Variants in NREP observed in about 807,000 individuals in gnomAD.
NREP encodes the protein neuronal regeneration-related protein.
Under a neutral mutation model 8.6 loss-of-function variants are expected in NREP, and 5 were observed. The ratio of observed to expected loss-of-function variants is 0.58; its 90% CI spans 0.30 to 1.22. The LOEUF is 1.22. Ranked by LOEUF, NREP falls within the 50% of genes most tolerant of loss-of-function variation. The pLI, the probability that NREP is intolerant of heterozygous loss-of-function variation, is 0.07. For synonymous variants in NREP, 27 were observed against 28.0 expected (o/e 0.96, Z 0.11); for missense variants, 86 against 82.5 (o/e 1.04, Z -0.17).
upstream of NREP, chr5:111,757,237 G>A (rs1397700611): frequency 1.3e-5 from 7 of 523,572 alleles, no homozygotes; most frequent in South Asian, 8.7e-5. Flanking sequence ...ATTGGGGGGG[G>A]AGGGGGGATT....
intron 2 of NREP, among the ~76,000 whole-genome samples, chr5:111,812,212 G>A (rs1752286131): frequency 1.3e-5 from 2 of 152,108 alleles, no homozygotes; most frequent in Admixed American, 1.3e-4. Flanking sequence ...GCTTGAGCCT[G>A]GGAGGTGGAG....
chr5:111,862,719 A>T (rs1009050794), intron 2 of NREP, among the ~76,000 whole-genome samples: 8 of 152,084 alleles, frequency 5.3e-5, no homozygotes, highest in Admixed American at 1.3e-4. Context: ...AACATGACAG[A>T]CAGGACTTAA....
chr5:111,944,878 T>C (rs1459019223), intron 2 of NREP, among the ~76,000 whole-genome samples: 4 of 152,238 alleles, frequency 2.6e-5, no homozygotes, highest in East Asian at 3.9e-4. Context: ...CATTTCTCTA[T>C]TGATAATAAA....
chr5:111,913,310 C>T (rs887516151), intron 2 of NREP, among the ~76,000 whole-genome samples: 4 of 151,988 alleles, frequency 2.6e-5, no homozygotes, highest in Non-Finnish European at 5.9e-5. Context: ...ATAAAATATC[C>T]TTCTAAAATT....
chr5:111,931,864 T>A (rs748556672), intron 2 of NREP, among the ~76,000 whole-genome samples: 3 of 152,166 alleles, frequency 2.0e-5, no homozygotes, highest in South Asian at 4.1e-4. Context: ...ATCTTTCTCA[T>A]TAGGCCTTCC....
chr5:111,905,177 T>C (rs2112554515), intron 2 of NREP, among the ~76,000 whole-genome samples: 1 of 152,220 alleles, frequency 6.6e-6, no homozygotes, highest in African/African-American at 2.4e-5. Context: ...AATTTTCCGT[T>C]GACCTCTACA....
intron 2 of NREP, among the ~76,000 whole-genome samples, chr5:111,768,118 T>C (rs1751129439): frequency 6.6e-6 from 1 of 150,568 alleles, no homozygotes; most frequent in Admixed American, 6.7e-5. Flanking sequence ...TCAGGTTTTG[T>C]AAGATGGCAT....
At chr5:111,923,223 C>T (rs895789755) in intron 2 of NREP, among the ~76,000 whole-genome samples, 4 of 152,204 alleles carry the variant, frequency 2.6e-5, no homozygotes, top group Non-Finnish European at 2.9e-5. Context: ...GCTAATTGGG[C>T]GCTTGTGCCT....
intron 2 of NREP, among the ~76,000 whole-genome samples, chr5:111,904,669 A>G (rs1333046170): frequency 2.0e-5 from 3 of 152,164 alleles, no homozygotes; most frequent in Non-Finnish European, 4.4e-5. Flanking sequence ...ATGTGGCTCC[A>G]TGGTATAATG....
intron 2 of NREP, among the ~76,000 whole-genome samples, chr5:111,809,163 T>A (rs889089560): frequency 6.6e-6 from 1 of 152,226 alleles, no homozygotes; most frequent in Non-Finnish European, 1.5e-5. Flanking sequence ...CTAGTCTCAC[T>A]TTTTGTCCTT....
At chr5:111,880,965 ACAGTGGGCACAGGACAGTGGGTG>A (rs1754044225) in intron 2 of NREP, among the ~76,000 whole-genome samples, 1 of 152,190 alleles carries the variant, frequency 6.6e-6, no homozygotes, top group Non-Finnish European at 1.5e-5. Flanking sequence ...GGAGTGCCAG[ACAGTGGGCACAGGACAGTGGGTG>A]CAGCGCACCG....
intron 2 of NREP, among the ~76,000 whole-genome samples, chr5:111,871,257 T>A (rs1490036258): frequency 6.6e-6 from 1 of 152,188 alleles, no homozygotes; most frequent in Non-Finnish European, 1.5e-5. Context: ...GTACAACGTG[T>A]TACTGCACTG....
chr5:111,796,542 G>A (rs939645716), intron 2 of NREP, among the ~76,000 whole-genome samples: 3 of 152,118 alleles, frequency 2.0e-5, no homozygotes, highest in Admixed American at 6.6e-5. Flanking sequence ...CTGCTTACTC[G>A]TGTAATTCTT....
At chr5:111,885,463 TG>T (rs1379534421) in intron 2 of NREP, among the ~76,000 whole-genome samples, 16 of 152,038 alleles carry the variant, frequency 1.1e-4, no homozygotes, top group African/African-American at 3.1e-4. Context: ...TTCACAGAAT[TG>T]GAAAAAACTA....
At position 111,927,217 on chromosome 5, in the gene NREP, T is replaced by C. The variant is rs117934660; in HGVS notation, c.135+48057A>G. ...CGCCACTGAGGCCTGACTAGCTACC[T>C]ACTCTAACACAATAGCTATTACTAT... On this transcript the variant is annotated intron_variant, in intron 2 of 3. Transcript: ENST00000395634. Among the ~76,000 whole-genome samples the C allele has an allele frequency of 3.5e-3, 529 of 152,230 alleles. 13 individuals carry two copies. The East Asian group carries it at 0.057, about 16-fold the overall frequency.
chr5:111,882,099 G>A (rs1011473427), intron 2 of NREP, among the ~76,000 whole-genome samples: 2 of 152,178 alleles, frequency 1.3e-5, no homozygotes, highest in African/African-American at 2.4e-5. Context: ...GTAGACGAAT[G>A]TATAATTAGA....
At chr5:111,842,917 C>T (rs1249945235) in intron 2 of NREP, among the ~76,000 whole-genome samples, 4 of 152,226 alleles carry the variant, frequency 2.6e-5, no homozygotes, top group Non-Finnish European at 5.9e-5. Flanking sequence ...CTAAGAAATC[C>T]ACGGATAGTT....
intron 2 of NREP, among the ~76,000 whole-genome samples, chr5:111,954,315 G>GA (rs914875908): frequency 2.0e-5 from 3 of 151,604 alleles, no homozygotes; most frequent in African/African-American, 7.3e-5. Flanking sequence ...CTTTGGGTTA[G>GA]AAAAAAAAGA....
upstream of NREP, chr5:111,758,101 G>T (rs1431866222): frequency 1.0e-6 from 1 of 985,396 alleles, no homozygotes; most frequent in Non-Finnish European, 1.2e-6. Flanking sequence ...ATTTGCACAC[G>T]GCCTCGGGTC....
Sources: gnomAD v4.1 joint callset for allele counts (sites outside exome capture counted in the v4.1 genomes callset) on GRCh38, gnomAD v4.1.1 for gene constraint, MANE v1.5 for transcripts, NCBI Gene and HGNC (gene_info 2026-07-23, HGNC 2026-07-21) for gene names.